ADRA1D: variants seen among roughly 807,000 people sequenced by gnomAD.
ADRA1D encodes the protein alpha-1D adrenergic receptor.
ADRA1D carries 22 observed loss-of-function variants against 18.6 expected under a neutral mutation model. The ratio of observed to expected loss-of-function variants is 1.19; its 90% confidence interval spans 0.85 to 1.69. The LOEUF is 1.69. Ranked by LOEUF, ADRA1D falls within the 40% of genes most tolerant of loss-of-function variation. The pLI, the probability that ADRA1D is intolerant of heterozygous loss-of-function variation, is 0.00. For synonymous variants in ADRA1D, 376 were observed against 388.2 expected, an observed-to-expected ratio of 0.97 and a Z score of 0.37; for missense variants, 840 against 840.7, an observed-to-expected ratio of 1.00 and a Z score of 0.01.
intron 1 of ADRA1D, among the ~76,000 whole-genome samples, chr20:4,233,796 T>TG (rs896956986): frequency 1.7e-4 from 26 of 151,634 alleles, no homozygotes; most frequent in South Asian, 6.3e-4. Context: ...TGCAGTGGGG[T>TG]GGGGGGGTGA....
rs57299529 is a variant in ADRA1D, at chr20:4,235,354, A to G, written c.1111+12493T>C. On this transcript the variant is annotated intron_variant, in intron 1 of 1. Coordinates refer to ENST00000379453, the MANE Select transcript of ADRA1D (RefSeq NM_000678.4). The stretch of plus-strand genomic sequence containing the variant: ...ATAGGCCTGTCCCGCATCCTCTTGC[A>G]TCCTCTAGGTCTCCACCAGGCCCCA... Among the ~76,000 whole-genome samples, 4,652 of 152,252 alleles carry G rather than the reference A, an allele frequency of 0.031. 314 individuals carry two copies. The East Asian group carries it at 0.31, about 10-fold the overall frequency.
intron 1 of ADRA1D, among the ~76,000 whole-genome samples, chr20:4,247,173 GAGCTCAAGGACTCAGTA>G (rs796680261): frequency 4.7e-4 from 71 of 152,354 alleles, no homozygotes; most frequent in African/African-American, 1.7e-3. Flanking sequence ...TTCCTCGGAA[GAGCTCAAGGACTCAGTA>G]AGCTCAAGAA....
chr20:4,237,871 G>A (rs1335884403), intron 1 of ADRA1D, among the ~76,000 whole-genome samples: 3 of 103,894 alleles, frequency 2.9e-5, no homozygotes, highest in African/African-American at 7.4e-5. Flanking sequence ...TAGTAGAGAC[G>A]GGGTTTCACC....
chr20:4,248,016 G>T lies in ADRA1D; in HGVS notation c.942C>A (p.Gly314=). 6.4e-7 allele frequency: 1 copy of T among 1,555,052 alleles called. No individual in the cohort carries two copies. Among genetic ancestry groups the T allele is most frequent in the South Asian group, 1.2e-5 (1 of 84,686 alleles). ...TGCGCATGCCGTGCGCCCCGTCGGC[G>T]CCCGTGGCCGCGCCGCGACAGTGGA... is the stretch of plus-strand genomic sequence containing the variant. The part of the protein sequence containing the change: ...LRIHCRGAAT[G]ADGAHGMRSA... Residue 314 remains glycine, a synonymous_variant, in exon 1 of 2, where the codon GGC becomes GGA. Transcript: ENST00000379453.
rs573964413 is a variant in ADRA1D at position 4,244,298 on chromosome 20, G to A, written c.1111+3549C>T. 2.8e-4 allele frequency among the ~76,000 whole-genome samples: 43 copies of A among 152,238 alleles called. 1 individual carries two copies. The highest frequency in any genetic ancestry group is 1.2e-3 in the South Asian group (6 of 4,824). On this transcript the variant is annotated intron_variant, in intron 1 of 1. Transcript: ENST00000379453. ...ATATACATTGTTTCTCAATCTCTCCGTCTCTGGTGCTCGTCACAGCTAGTG... is the reference window on the plus strand; with the variant it reads ...ATATACATTGTTTCTCAATCTCTCCATCTCTGGTGCTCGTCACAGCTAGTG...
chr20:4,235,685 T>C (rs1981071686), intron 1 of ADRA1D, among the ~76,000 whole-genome samples: 1 of 152,218 alleles, frequency 6.6e-6, no homozygotes, highest in South Asian at 2.1e-4. Context: ...GCAGTGACCA[T>C]GCTGTCCGGG....
At chr20:4,240,691 G>A (rs1015675349) in intron 1 of ADRA1D, among the ~76,000 whole-genome samples, 1 of 152,156 alleles carries the variant, frequency 6.6e-6, no homozygotes, top group South Asian at 2.1e-4. Flanking sequence ...CTTCTTGGGA[G>A]GTTGAGGCAC....
chr20:4,230,040 C>G (rs1980917678), intron 1 of ADRA1D, among the ~76,000 whole-genome samples: 1 of 152,140 alleles, frequency 6.6e-6, no homozygotes, highest in Non-Finnish European at 1.5e-5. Flanking sequence ...CCACCTTGGC[C>G]CTTTGCACTT....
chr20:4,228,523 A>C (rs1980874439), intron 1 of ADRA1D, among the ~76,000 whole-genome samples: 1 of 152,256 alleles, frequency 6.6e-6, no homozygotes, highest in African/African-American at 2.4e-5. Flanking sequence ...CTACGTGCCA[A>C]GCACGGTGTG....
intron 1 of ADRA1D, among the ~76,000 whole-genome samples, chr20:4,227,618 G>A (rs1980829727): frequency 6.6e-6 from 1 of 151,432 alleles, no homozygotes. Flanking sequence ...CCTTGGTCCA[G>A]GCTACCATCG....
At chr20:4,228,808 G>C (rs1342825058) in intron 1 of ADRA1D, among the ~76,000 whole-genome samples, 1 of 152,144 alleles carries the variant, frequency 6.6e-6, no homozygotes, top group Non-Finnish European at 1.5e-5. Context: ...TGGAGCCCTC[G>C]ATCCTTAAGC....
Position 4,221,574 on chromosome 20 carries a change from G to A in ADRA1D, c.1668C>T (p.Cys556=), listed in dbSNP as rs1252063014. 2.5e-6 allele frequency: 4 copies of A among 1,612,672 alleles called. No individual in the cohort carries two copies. The highest frequency in any genetic ancestry group is 1.1e-5 in the South Asian group (1 of 91,014). ...TGTAGTCGGCCAATTCGTAGGCCTG[G>A]CAGGTGGCGCCCTCGGCCACCTCGT... ...VPHEVAEGAT[C]QAYELADYSN... The change falls in exon 2 of 2, where the codon TGC becomes TGT. Residue 556 remains cysteine (C), a synonymous_variant. Transcript: ENST00000379453.
intron 1 of ADRA1D, among the ~76,000 whole-genome samples, chr20:4,223,291 T>C (rs572668880): frequency 2.0e-5 from 3 of 152,388 alleles, no homozygotes; most frequent in South Asian, 4.1e-4. Context: ...AAAAATATTT[T>C]GATGGCTTTT....
intron 1 of ADRA1D, among the ~76,000 whole-genome samples, chr20:4,247,391 G>T (rs1040086168): frequency 1.5e-4 from 23 of 152,132 alleles, no homozygotes; most frequent in African/African-American, 5.3e-4. Flanking sequence ...GGGAAAAGCG[G>T]GTGGCTTCTG....
chr20:4,232,050 A>T (rs1600848138), intron 1 of ADRA1D, among the ~76,000 whole-genome samples: 1 of 152,168 alleles, frequency 6.6e-6, no homozygotes, highest in Non-Finnish European at 1.5e-5. Context: ...GTAGCTGGGA[A>T]TACAGGCGCC....
In ADRA1D at chr20:4,248,181, G is replaced by A. The variant is rs745978191; in HGVS notation, c.777C>T (p.Ser259=). The change falls in exon 1 of 2, where the codon TCC becomes TCT. Residue 259 remains serine, a synonymous_variant. Transcript: ENST00000379453. ...CCATGGGCAGGTAGAAGGAGCACAC[G>A]GAGGAGAAGACAGCGTAGCCCGCCT... ...TEEAGYAVFS[S]VCSFYLPMAV... is the part of the protein sequence containing the mutation. The A allele has an allele frequency of 4.4e-6, 7 of 1,586,784 alleles. No homozygotes were observed. In the East Asian group the frequency reaches 9.2e-5, roughly 21 times the overall value.
At chr20:4,243,483 A>G (rs1981265899) in intron 1 of ADRA1D, among the ~76,000 whole-genome samples, 1 of 152,186 alleles carries the variant, frequency 6.6e-6, no homozygotes, top group Non-Finnish European at 1.5e-5. Context: ...GGCTGCCAAG[A>G]GCACTTCCTT....
chr20:4,245,130 C>G (rs11087626), intron 1 of ADRA1D, among the ~76,000 whole-genome samples: 6,714 of 152,296 alleles, frequency 0.044, 185 homozygotes, highest in Admixed American at 0.051. Context: ...TCAAAGAAAG[C>G]AGTGGCCTTT....
Position 4,248,462 on chromosome 20 carries a change from G to T in ADRA1D, c.496C>A (p.Arg166Ser), listed in dbSNP as rs753011248. Residue 166 changes from arginine to serine, a missense_variant, in exon 1 of 2, where the codon CGC becomes AGC. By Grantham distance (110) the Arg-to-Ser change is moderately radical (BLOSUM62 -1). Transcript: ENST00000379453. ...GCGGCCCATACGTCGCAGAAGGCGC[G>T]GCCAAAGGCCCAGAAGCCCAGAACC... ...MEVLGFWAFG[R>S]AFCDVWAAVD... is the part of the protein sequence containing the mutation. The T allele has an allele frequency of 1.9e-6, 3 of 1,612,814 alleles. No individual in the cohort carries two copies. In the East Asian group the frequency reaches 6.7e-5, roughly 36 times the overall value.
Sources: allele counts gnomAD v4.1 joint callset (sites outside exome capture counted in the v4.1 genomes callset), GRCh38; gene constraint gnomAD v4.1.1; transcripts MANE v1.5; gene names NCBI Gene and HGNC (gene_info 2026-07-23, HGNC 2026-07-21).